The following SMIM13 variants were observed in gnomAD, a reference collection of about 807,000 sequenced individuals.
The protein encoded by SMIM13 is small integral membrane protein 13.
In SMIM13, 3 loss-of-function variants were observed where a neutral mutation model predicts 5.9. That is an observed-to-expected ratio of 0.51 (90% CI 0.23 to 1.31). The LOEUF (loss-of-function observed/expected upper bound fraction) is 1.31, where lower values mean the gene tolerates loss of function less well. Ranked by LOEUF, SMIM13 falls within the 40% of genes most tolerant of loss-of-function variation. SMIM13 has a pLI of 0.18. For synonymous variants in SMIM13, 55 were observed against 46.0 expected, an observed-to-expected ratio of 1.19 and a Z score of -0.79; for missense variants, 85 against 109.9, an observed-to-expected ratio of 0.77 and a Z score of 1.01.
rs1758530399 is a variant in SMIM13, at chr6:11,137,486, G to A, written c.*2884G>A. On this transcript the variant is annotated 3_prime_UTR_variant, in exon 2 of 2. Coordinates refer to ENST00000416247, the MANE Select transcript of SMIM13 (RefSeq NM_001135575.2). ...CTCAGTGGGAGGTGGACTAGCCTGT[G>A]GTTAATTTTAGAGCTTAAAAGTTTA... The A allele has an allele frequency of 6.6e-6, 1 of 151,920 alleles. No homozygotes were observed. Among genetic ancestry groups the A allele is most frequent in the Non-Finnish European group, 1.5e-5 (1 of 67,960 alleles). 9.4% of individuals were successfully genotyped at this position (151,920 alleles called of 1,614,324 possible). A position where few individuals can be genotyped will look rare whatever the true frequency, so the allele number is the denominator to read the frequency against.
chr6:11,111,965 G>T (rs1053031986), intron 1 of SMIM13, among the ~76,000 whole-genome samples: 10 of 152,138 alleles, frequency 6.6e-5, no homozygotes, highest in Admixed American at 2.0e-4. Context: ...CTGTCATTTT[G>T]CTTCTTAGTG....
At chr6:11,110,493 G>T (rs960702844) in intron 1 of SMIM13, among the ~76,000 whole-genome samples, 15 of 152,166 alleles carry the variant, frequency 9.9e-5, no homozygotes, top group Non-Finnish European at 1.8e-4. Flanking sequence ...GCCAATTGCT[G>T]CAAGGGGGCT....
In SMIM13 at chr6:11,138,690, AACTTTC is replaced by A. The variant is rs1414612987; in HGVS notation, c.*4094_*4099del. 1.3e-5 allele frequency: 2 copies of A among 152,164 alleles called. No homozygotes were observed. The highest frequency in any genetic ancestry group is 2.1e-4 in the South Asian group (1 of 4,832). The allele number at this position is 152,164 out of a possible 1,614,324, so 9.4% of individuals were successfully genotyped here. On this transcript the variant is annotated 3_prime_UTR_variant, in exon 2 of 2. Coordinates refer to ENST00000416247, the MANE Select transcript of SMIM13 (RefSeq NM_001135575.2). ...GCTTCTGTGGTTTGTATGATGTTTT[AACTTTC>A]ACTTTAAACTGCATAGAATAAATTA...
intron 1 of SMIM13, among the ~76,000 whole-genome samples, chr6:11,119,569 G>A (rs1257462747): frequency 2.0e-5 from 3 of 152,044 alleles, no homozygotes; most frequent in Non-Finnish European, 4.4e-5. Flanking sequence ...CAGGAGAATG[G>A]TGTGAACCCG....
chr6:11,127,755 C>T (rs1397351417), intron 1 of SMIM13, among the ~76,000 whole-genome samples: 1 of 152,222 alleles, frequency 6.6e-6, no homozygotes, highest in Non-Finnish European at 1.5e-5. Context: ...CACTGGGTCC[C>T]TCCCACAACA....
intron 1 of SMIM13, among the ~76,000 whole-genome samples, chr6:11,098,007 G>A (rs1757946981): frequency 6.6e-6 from 1 of 151,984 alleles, no homozygotes; most frequent in South Asian, 2.1e-4. Context: ...CAAACATGGA[G>A]TTCAGATCAA....
At chr6:11,101,577 C>CGATT (rs772847137) in intron 1 of SMIM13, among the ~76,000 whole-genome samples, 3 of 151,788 alleles carry the variant, frequency 2.0e-5, no homozygotes, top group Non-Finnish European at 4.4e-5. Context: ...TGGAGTGGGC[C>CGATT]GATTGATTGG....
chr6:11,137,498 A>G lies in SMIM13; in HGVS notation c.*2896A>G, dbSNP rs1441390432. On this transcript the variant is annotated 3_prime_UTR_variant, in exon 2 of 2. Coordinates refer to ENST00000416247, the MANE Select transcript of SMIM13 (RefSeq NM_001135575.2). ...TGGACTAGCCTGTGGTTAATTTTAG[A>G]GCTTAAAAGTTTATAAGCATTAAAA... 1 of 152,140 alleles carries G rather than the reference A, an allele frequency of 6.6e-6. No individual in the cohort carries two copies. The highest frequency in any genetic ancestry group is 1.5e-5 in the Non-Finnish European group (1 of 68,006). 9.4% of individuals were successfully genotyped at this position (152,140 alleles called of 1,614,324 possible). A position where few individuals can be genotyped will look rare whatever the true frequency, so the allele number is the denominator to read the frequency against.
chr6:11,120,701 C>G (rs1454959100), intron 1 of SMIM13, among the ~76,000 whole-genome samples: 1 of 152,090 alleles, frequency 6.6e-6, no homozygotes, highest in African/African-American at 2.4e-5. Context: ...AAATTTGATA[C>G]GCTGTTAAGA....
At chr6:11,112,967 C>G (rs1260294274) in intron 1 of SMIM13, among the ~76,000 whole-genome samples, 1 of 151,990 alleles carries the variant, frequency 6.6e-6, no homozygotes, top group Non-Finnish European at 1.5e-5. Flanking sequence ...GCCACCATGC[C>G]TGGCTAATTT....
chr6:11,097,889 T>C (rs560837260), intron 1 of SMIM13, among the ~76,000 whole-genome samples: 1 of 152,246 alleles, frequency 6.6e-6, no homozygotes, highest in Non-Finnish European at 1.5e-5. Flanking sequence ...GCTGTGAACC[T>C]TTCTTTTTTT....
chr6:11,117,808 G>A (rs148558353), intron 1 of SMIM13, among the ~76,000 whole-genome samples: 17 of 151,200 alleles, frequency 1.1e-4, no homozygotes, highest in African/African-American at 3.6e-4. Context: ...GGAGTGCAGT[G>A]GCAAGATCTC....
rs1231295262 is a variant in SMIM13, at chr6:11,094,305, GC to G, written c.-4del. 17 of 1,477,794 alleles carry G rather than the reference GC, an allele frequency of 1.2e-5. No individual in the cohort carries two copies. Among genetic ancestry groups the G allele is most frequent in the Non-Finnish European group, 1.5e-5 (17 of 1,110,476 alleles). The allele number at this position is 1,477,794 out of a possible 1,614,324, so 91.5% of individuals were successfully genotyped here. On this transcript the variant is annotated 5_prime_UTR_variant, in exon 1 of 2. Transcript: ENST00000416247. ...GCCGCCCCGAGCCGACTGCCCTTCT[GC>G]CCCCAAGATGTGGCACAGCGTCGGG...
chr6:11,104,361 C>T, intron 1 of SMIM13: 5 of 1,551,698 alleles, frequency 3.2e-6, no homozygotes, highest in Non-Finnish European at 4.4e-6. Flanking sequence ...GCCTATGGTA[C>T]AAGTTCCAGT....
chr6:11,111,244 A>G (rs1285680667), intron 1 of SMIM13, among the ~76,000 whole-genome samples: 1 of 152,250 alleles, frequency 6.6e-6, no homozygotes, highest in Non-Finnish European at 1.5e-5. Context: ...AAGTAAGAAC[A>G]GAGAAAAGAC....
In SMIM13 at chr6:11,136,066, T is replaced by A. The variant is rs1758514713; in HGVS notation, c.*1464T>A. ...AGATTTCAGGGTAGTAACTTAGGAATCTAAGAACTATCTTCTACTTTAGGA... is the reference window on the plus strand; with the variant it reads ...AGATTTCAGGGTAGTAACTTAGGAAACTAAGAACTATCTTCTACTTTAGGA... On this transcript the variant is annotated 3_prime_UTR_variant, in exon 2 of 2. Coordinates refer to ENST00000416247, the MANE Select transcript of SMIM13 (RefSeq NM_001135575.2). 6.6e-6 allele frequency: 1 copy of A among 152,172 alleles called. No individual in the cohort carries two copies. The highest frequency in any genetic ancestry group is 2.1e-4 in the South Asian group (1 of 4,830). The allele number at this position is 152,172 out of a possible 1,614,324, so 9.4% of individuals were successfully genotyped here. A position where few individuals can be genotyped will look rare whatever the true frequency, so the allele number is the denominator to read the frequency against.
chr6:11,099,666 A>G (rs1757967326), intron 1 of SMIM13, among the ~76,000 whole-genome samples: 1 of 152,218 alleles, frequency 6.6e-6, no homozygotes, highest in Admixed American at 6.5e-5. Context: ...AGCTCCTACA[A>G]ATGAAACACC....
At chr6:11,130,271 AAC>A (rs1758436818) in intron 1 of SMIM13, among the ~76,000 whole-genome samples, 3 of 135,934 alleles carry the variant, frequency 2.2e-5, no homozygotes, top group East Asian at 2.0e-4. Flanking sequence ...AAAAAAAAAC[AAC>A]AACAACAACA....
At chr6:11,125,981 A>G (rs1323588340) in intron 1 of SMIM13, among the ~76,000 whole-genome samples, 1 of 152,114 alleles carries the variant, frequency 6.6e-6, no homozygotes, top group African/African-American at 2.4e-5. Flanking sequence ...TTCTGAGGCT[A>G]TTCTCTAGAT....
Sources: allele counts gnomAD v4.1 joint callset (sites outside exome capture counted in the v4.1 genomes callset), GRCh38; gene constraint gnomAD v4.1.1; transcripts MANE v1.5; gene names NCBI Gene and HGNC (gene_info 2026-07-23, HGNC 2026-07-21).